The following PCDHA7 variants were observed in gnomAD, a reference collection of about 807,000 sequenced individuals.
PCDHA7 encodes the protein protocadherin alpha 7.
In PCDHA7, 37 loss-of-function variants were observed where a neutral mutation model predicts 57.2. The observed-to-expected ratio is 0.65, with a 90% confidence interval of 0.50 to 0.85. PCDHA7 has a LOEUF of 0.85. PCDHA7 is among the 40% of genes least tolerant of loss of function. The probability of loss-of-function intolerance (pLI) is 0.00; values close to 1 mark genes in which losing one functional copy is unlikely to be tolerated. For synonymous variants in PCDHA7, 553 were observed against 558.8 expected, an observed-to-expected ratio of 0.99 and a Z score of 0.15; for missense variants, 1,188 against 1,241.8, an observed-to-expected ratio of 0.96 and a Z score of 0.65.
intron 1 of PCDHA7, among the ~76,000 whole-genome samples, chr5:140,889,996 A>G (rs1162958741): frequency 5.3e-5 from 8 of 152,152 alleles, no homozygotes; most frequent in African/African-American, 1.9e-4. Flanking sequence ...TAGCTTTCCA[A>G]GCTTAGGTGC....
At chr5:140,843,779 T>G (rs1779095351) in intron 1 of PCDHA7, 1 of 1,431,152 alleles carries the variant, frequency 7.0e-7, no homozygotes, top group African/African-American at 1.4e-5. Flanking sequence ...ACTTTAAAAG[T>G]GTTTCAGATT....
intron 1 of PCDHA7, chr5:140,866,209 TGGA>T (rs371374348): frequency 2.8e-4 from 43 of 152,294 alleles, no homozygotes; most frequent in African/African-American, 7.9e-4. Context: ...AATATCCTTG[TGGA>T]ACACCTAAAC....
intron 1 of PCDHA7, among the ~76,000 whole-genome samples, chr5:140,878,533 CA>C (rs2057632489): frequency 6.6e-6 from 1 of 152,156 alleles, no homozygotes; most frequent in Admixed American, 6.5e-5. Context: ...AACTGTGGCT[CA>C]AACCAGTTTC....
chr5:140,922,388 CT>C (rs1233800006), intron 1 of PCDHA7, among the ~76,000 whole-genome samples: 1 of 152,148 alleles, frequency 6.6e-6, no homozygotes, highest in Non-Finnish European at 1.5e-5. Flanking sequence ...CCAAAGACTC[CT>C]TGTTTTGGAT....
At chr5:140,959,712 T>G (rs166567) in intron 1 of PCDHA7, among the ~76,000 whole-genome samples, 1 of 152,020 alleles carries the variant, frequency 6.6e-6, no homozygotes, top group African/African-American at 2.4e-5. Flanking sequence ...AAAGGGAAAA[T>G]TTTTAGATAA....
intron 1 of PCDHA7, among the ~76,000 whole-genome samples, chr5:140,893,814 T>C (rs1254433414): frequency 6.6e-6 from 1 of 152,204 alleles, no homozygotes; most frequent in Non-Finnish European, 1.5e-5. Flanking sequence ...TTGAGTCTGG[T>C]ACCGTAGACT....
At chr5:140,917,330 A>G (rs155802) in intron 1 of PCDHA7, among the ~76,000 whole-genome samples, 15,235 of 96,446 alleles carry the variant, frequency 0.16, 1,247 homozygotes, top group East Asian at 0.38. Context: ...GTGGCGGGGG[A>G]GGGGGGGGAT....
chr5:140,906,822 T>C (rs2072968102), intron 1 of PCDHA7, among the ~76,000 whole-genome samples: 1 of 152,142 alleles, frequency 6.6e-6, no homozygotes, highest in African/African-American at 2.4e-5. Context: ...CACTGTGGAG[T>C]AGTAGACTGA....
At chr5:141,002,220 G>A (rs2098065627) in intron 3 of PCDHA7, among the ~76,000 whole-genome samples, 1 of 152,196 alleles carries the variant, frequency 6.6e-6, no homozygotes. Context: ...TCAAAATGAT[G>A]GGTTTTCTGG....
rs116577362 is a variant in PCDHA7 at position 140,863,312 on chromosome 5, T to G, written c.2355+26574T>G. On this transcript the variant is annotated intron_variant, in intron 1 of 3. Transcript: ENST00000525929. ...TACCTGATCATCGCCATCTGCGTGGTGTCCAGCCTGTTAGTGCTCACGTTG... is the reference window on the plus strand; with the variant it reads ...TACCTGATCATCGCCATCTGCGTGGGGTCCAGCCTGTTAGTGCTCACGTTG... 14,488 of 1,456,150 alleles carry G rather than the reference T, an allele frequency of 9.9e-3. 118 individuals are homozygous for G. The highest frequency in any genetic ancestry group is 0.011 in the Non-Finnish European group (11,650 of 1,073,394). 90.2% of individuals were successfully genotyped at this position (1,456,150 alleles called of 1,614,324 possible). A position where few individuals can be genotyped will look rare whatever the true frequency, so the allele number is the denominator to read the frequency against.
chr5:140,907,863 C>T (rs763021038), intron 1 of PCDHA7, among the ~76,000 whole-genome samples: 4 of 152,208 alleles, frequency 2.6e-5, no homozygotes, highest in African/African-American at 7.2e-5. Context: ...TGAGGCCAGC[C>T]GTTGGTGAGC....
At chr5:140,895,485 C>A (rs2065029754) in intron 1 of PCDHA7, among the ~76,000 whole-genome samples, 1 of 152,114 alleles carries the variant, frequency 6.6e-6, no homozygotes, top group African/African-American at 2.4e-5. Flanking sequence ...GGAGAAATAC[C>A]TATTCAGAAC....
At chr5:140,868,907 A>T in intron 1 of PCDHA7, 1 of 869,128 alleles carries the variant, frequency 1.2e-6, no homozygotes, top group Non-Finnish European at 1.7e-6. Flanking sequence ...GTCGCTCTTT[A>T]CTTGGTGGAA....
At chr5:140,838,701 C>T (rs1368590558) in intron 1 of PCDHA7, among the ~76,000 whole-genome samples, 2 of 151,802 alleles carry the variant, frequency 1.3e-5, no homozygotes, top group South Asian at 2.1e-4. Flanking sequence ...TTCGGGAGGC[C>T]GAGGCAGGAG....
chr5:140,855,941 C>A, intron 1 of PCDHA7: 1 of 1,328,220 alleles, frequency 7.5e-7, no homozygotes, highest in South Asian at 1.4e-5. Flanking sequence ...TCTGAGATCT[C>A]AGCCATTTCG....
chr5:141,000,395 C>CTCTCTA (rs1213762225), intron 3 of PCDHA7, among the ~76,000 whole-genome samples: 5 of 53,980 alleles, frequency 9.3e-5, no homozygotes, highest in East Asian at 6.1e-4. Flanking sequence ...CTCTCTCTCT[C>CTCTCTA]TATATATATA....
chr5:140,990,822 C>G (rs1273714328), intron 3 of PCDHA7, among the ~76,000 whole-genome samples: 1 of 152,204 alleles, frequency 6.6e-6, no homozygotes. Flanking sequence ...CTTCTCTCAG[C>G]TAAAGCCTAT....
intron 1 of PCDHA7, among the ~76,000 whole-genome samples, chr5:140,923,894 G>A (rs2081566819): frequency 6.6e-6 from 1 of 152,186 alleles, no homozygotes; most frequent in African/African-American, 2.4e-5. Flanking sequence ...AAGAGGAGGA[G>A]TTTCTGTGAA....
In PCDHA7 at chr5:140,906,570, T is replaced by C. The variant is rs371493282; in HGVS notation, c.2355+69832T>C. ...TGCAACTGGTTGTGTGGTTCATAGCTGGTATTGATGACTACCTTCCTCTAC... is the reference window on the plus strand; with the variant it reads ...TGCAACTGGTTGTGTGGTTCATAGCCGGTATTGATGACTACCTTCCTCTAC... On this transcript the variant is annotated intron_variant, in intron 1 of 3. Coordinates refer to ENST00000525929, the MANE Select transcript of PCDHA7 (RefSeq NM_018910.3). 1.7e-4 allele frequency among the ~76,000 whole-genome samples: 26 copies of C among 152,230 alleles called. No homozygotes were observed. In the East Asian group the frequency reaches 2.1e-3, roughly 12 times the overall value.
Sources: allele counts gnomAD v4.1 joint callset (sites outside exome capture counted in the v4.1 genomes callset), GRCh38; gene constraint gnomAD v4.1.1; transcripts MANE v1.5; gene names NCBI Gene and HGNC (gene_info 2026-07-23, HGNC 2026-07-21).